The following ADCY4 variants were observed in gnomAD, a reference collection of about 807,000 sequenced individuals.
ADCY4 encodes adenylate cyclase type 4.
ADCY4 carries 111 observed loss-of-function variants against 125.5 expected under a neutral mutation model. The ratio of observed to expected loss-of-function variants is 0.88; its 90% CI spans 0.76 to 1.04. The LOEUF is 1.04. Among genes scored for constraint, ADCY4 ranks in the 50% least tolerant of loss-of-function variants. The pLI is 0.00. For synonymous variants in ADCY4, 576 were observed against 586.9 expected, an observed-to-expected ratio of 0.98 and a Z score of 0.27; for missense variants, 1,256 against 1,382.9, an observed-to-expected ratio of 0.91 and a Z score of 1.46.
intron 10 of ADCY4, chr14:24,326,614 T>TGTGTGTGA (rs1555316735): frequency 7.9e-6 from 3 of 379,136 alleles, no homozygotes; most frequent in Admixed American, 3.8e-5. Context: ...TGTGTGTGTG[T>TGTGTGTGA]GACTGAATCT....
At chr14:24,322,245 C>A in intron 19 of ADCY4, 21 bp from the exon 20 acceptor site, 1 of 1,602,032 alleles carries the variant, frequency 6.2e-7, no homozygotes. Flanking sequence ...TCACCCGGGG[C>A]CATGGGGAGA....
Position 24,331,149 on chromosome 14 carries a change from T to C in ADCY4, c.819-20A>G, listed in dbSNP as rs1314507494. ...AGCACGCTGCATAGGGCAGACTGTG[T>C]CAGCAGGGCCAGGGTCTTAGCCCAC... On this transcript the variant is annotated intron_variant, in intron 5 of 24. Coordinates refer to ENST00000418030, the MANE Select transcript of ADCY4 (RefSeq NM_001198568.2). 1 of 1,612,944 alleles carries C rather than the reference T, an allele frequency of 6.2e-7. No individual in the cohort carries two copies. The highest frequency in any genetic ancestry group is 8.5e-7 in the Non-Finnish European group (1 of 1,179,072).
At position 24,319,595 on chromosome 14, in the gene ADCY4, G is replaced by T; in HGVS notation, c.2733+147C>A. 8.2e-7 allele frequency: 1 copy of T among 1,218,874 alleles called. No homozygotes were observed. Among genetic ancestry groups the T allele is most frequent in the Non-Finnish European group, 1.2e-6 (1 of 847,670 alleles). 75.5% of individuals were successfully genotyped at this position (1,218,874 alleles called of 1,614,324 possible). A position where few individuals can be genotyped will look rare whatever the true frequency, so the allele number is the denominator to read the frequency against. ...TGGTGGTGGGCAGTGTTGCTGGAGT[G>T]GGTAGATCTGGGGGATCAGAGGAGG... is the stretch of plus-strand genomic sequence containing the variant. On this transcript the variant is annotated intron_variant, in intron 21 of 24. Coordinates refer to ENST00000418030, the MANE Select transcript of ADCY4 (RefSeq NM_001198568.2). This position sits in a 1 kb window ranked among gnomAD's most constrained non-coding sequence, Gnocchi z 4.5.
chr14:24,329,011 TG>T, intron 10 of ADCY4, 49 bp downstream of exon 10: 2 of 1,586,830 alleles, frequency 1.3e-6, no homozygotes, highest in Non-Finnish European at 1.7e-6. Flanking sequence ...CTGAGGATAC[TG>T]GGGGTGGATT....
chr14:24,328,231 T>TCG (rs748534329), intron 10 of ADCY4, among the ~76,000 whole-genome samples: 1 of 67,236 alleles, frequency 1.5e-5, no homozygotes, highest in African/African-American at 4.6e-5. Context: ...GAAAGCGGGG[T>TCG]GGGGGGGGGG....
At chr14:24,326,239 G>T in intron 11 of ADCY4, 60 bp downstream of exon 11, 1 of 1,612,310 alleles carries the variant, frequency 6.2e-7, no homozygotes. Context: ...CAGACCCCCA[G>T]GGAGGATGGA....
chr14:24,321,710 G>A (rs974747855), intron 20 of ADCY4: 28 of 792,400 alleles, frequency 3.5e-5, no homozygotes, highest in African/African-American at 1.9e-4. Flanking sequence ...CTGGCTCACC[G>A]CTCACCTCCT....
chr14:24,323,708 G>A lies in ADCY4; in HGVS notation c.2047-254C>T, dbSNP rs926307317. 3.5e-5 allele frequency: 47 copies of A among 1,353,056 alleles called. 1 individual carries two copies. In the Admixed American group the frequency reaches 5.4e-4, roughly 16 times the overall value. The allele number at this position is 1,353,056 out of a possible 1,614,324, so 83.8% of individuals were successfully genotyped here. A position where few individuals can be genotyped will look rare whatever the true frequency, so the allele number is the denominator to read the frequency against. ...TCTTGCCAGCCACTTAGCCTCTCTG[G>A]GCCTTAGTTTCTTCTTCTGTAACTT... On this transcript the variant is annotated intron_variant, in intron 16 of 24. Coordinates refer to ENST00000418030, the MANE Select transcript of ADCY4 (RefSeq NM_001198568.2).
rs1166172565 is a variant in ADCY4, at chr14:24,326,360, G to C, written c.1525-18C>G. 3.7e-6 allele frequency: 6 copies of C among 1,601,440 alleles called. No individual in the cohort carries two copies. The highest frequency in any genetic ancestry group is 2.3e-5 in the East Asian group (1 of 43,650). On this transcript the variant is annotated intron_variant, in intron 10 of 24. Transcript: ENST00000418030. ...GTCTTCTCCTGTTGGGAGAGCACAG[G>C]GGGAGGTGGGCATGGTGGGTGTTTT...
chr14:24,323,209 C>G, intron 17 of ADCY4, 121 bp from the exon 18 acceptor site: 1 of 1,363,028 alleles, frequency 7.3e-7, no homozygotes, highest in African/African-American at 1.4e-5. Flanking sequence ...GGGCATCATA[C>G]ACACTGATAC....
Position 24,323,377 on chromosome 14 carries a change from C to T in ADCY4, c.2124G>A (p.Glu708=). The T allele has an allele frequency of 1.3e-6, 2 of 1,556,992 alleles. No homozygotes were observed. The highest frequency in any genetic ancestry group is 1.7e-6 in the Non-Finnish European group (2 of 1,149,374). ...TGATGAGAGGCAGAGACCCAGGGAG[C>T]TCCCAGGAGAGGTTGGAAATCATGG... The part of the protein sequence containing the change: ...VSSMISNLSW[E]LPGSLPLISV... The change falls in exon 17 of 25, where the codon GAG becomes GAA. Residue 708 remains glutamate (E), a synonymous_variant. Transcript: ENST00000418030.
chr14:24,322,827 G>A, intron 18 of ADCY4, 77 bp downstream of exon 18: 1 of 1,541,554 alleles, frequency 6.5e-7, no homozygotes, highest in Non-Finnish European at 8.8e-7. Context: ...AGGTCGGTGA[G>A]GCCAGGACAG....
In ADCY4 at chr14:24,323,939, A is replaced by G. The variant is rs766699635; in HGVS notation, c.2046+123T>C. 2.8e-5 allele frequency: 38 copies of G among 1,371,308 alleles called. 1 individual carries two copies. Among genetic ancestry groups the G allele is most frequent in the South Asian group, 7.3e-5 (5 of 68,250 alleles). The allele number at this position is 1,371,308 out of a possible 1,614,324, so 84.9% of individuals were successfully genotyped here. On this transcript the variant is annotated intron_variant, in intron 16 of 24. Transcript: ENST00000418030. ...CTGTAATTTTTTTCTTTCTATTTGT[A>G]CAACATTTCCAGCATCCCCTGGGCT...
chr14:24,331,488 G>T, intron 4 of ADCY4, 132 bp from the exon 5 acceptor site: 1 of 1,250,952 alleles, frequency 8.0e-7, no homozygotes, highest in Non-Finnish European at 1.1e-6. Context: ...TCCTCCCGCT[G>T]CACACAGCAG....
chr14:24,333,197 G>T (rs1325831221), intron 1 of ADCY4, among the ~76,000 whole-genome samples: 1 of 150,970 alleles, frequency 6.6e-6, no homozygotes, highest in African/African-American at 2.4e-5. Context: ...TCTAGACTCA[G>T]CAGTCTCGTA....
Position 24,324,371 on chromosome 14 carries a change from G to C in ADCY4, c.1844C>G (p.Thr615Arg), listed in dbSNP as rs745364580. The C allele has an allele frequency of 1.2e-6, 2 of 1,614,164 alleles. No homozygotes were observed. Among genetic ancestry groups the C allele is most frequent in the Admixed American group, 1.7e-5 (1 of 60,036 alleles). Reference sequence around the variant, plus strand: ...GAAGAGGAGGAAGGTGATGCTATACGTGATGGCCAGAGCTGGGGGCCTGAA... The same window carrying C: ...GAAGAGGAGGAAGGTGATGCTATACCTGATGGCCAGAGCTGGGGGCCTGAA... Reference protein sequence around the residue: ...VTNRPPALAITYSITFLLFLL... With the variant: ...VTNRPPALAIRYSITFLLFLL... Residue 615 changes from threonine to arginine, a missense_variant, in exon 15 of 25, where the codon ACG (threonine) becomes AGG (arginine). Physicochemically the swap from Thr to Arg is moderately conservative, Grantham distance 71 (BLOSUM62 -1). Transcript: ENST00000418030.
intron 10 of ADCY4, among the ~76,000 whole-genome samples, chr14:24,327,042 A>G (rs2139210860): frequency 6.6e-6 from 1 of 151,706 alleles, no homozygotes; most frequent in South Asian, 2.1e-4. Context: ...GATTGCAGGC[A>G]CGCACCACCA....
chr14:24,332,571 C>A lies in ADCY4; in HGVS notation c.470G>T (p.Gly157Val). Residue 157 changes from glycine to valine, a missense_variant, in exon 3 of 25, where the codon GGG (glycine) becomes GTG (valine). Gly to Val is a moderately radical substitution (Grantham distance 109). Coordinates refer to ENST00000418030, the MANE Select transcript of ADCY4 (RefSeq NM_001198568.2). The stretch of plus-strand genomic sequence containing the variant: ...GTCCGGCTGTGGCCCAAGATACAGC[C>A]CGAGGACCAGCAGATGCGAGAGTGA... Reference protein sequence around the residue: ...ASSLSHLLVLGLYLGPQPDSR... With the variant: ...ASSLSHLLVLVLYLGPQPDSR... The A allele has an allele frequency of 6.3e-7, 1 of 1,576,480 alleles. No individual in the cohort carries two copies. Among genetic ancestry groups the A allele is most frequent in the Admixed American group, 1.9e-5 (1 of 53,790 alleles).
intron 20 of ADCY4, among the ~76,000 whole-genome samples, chr14:24,321,352 CG>C (rs2041849185): frequency 1.3e-5 from 2 of 151,768 alleles, no homozygotes; most frequent in African/African-American, 4.8e-5. Context: ...ACCCAGGAGG[CG>C]GAGGTTTCAG....
Sources: allele counts gnomAD v4.1 joint callset (sites outside exome capture counted in the v4.1 genomes callset), GRCh38; gene constraint gnomAD v4.1.1; non-coding constraint Gnocchi (gnomAD v3.1); transcripts MANE v1.5; gene names NCBI Gene and HGNC (gene_info 2026-07-23, HGNC 2026-07-21).